The following ARSK variants were observed in gnomAD, a reference collection of about 807,000 sequenced individuals.
ARSK encodes arylsulfatase K.
In ARSK, 37 loss-of-function variants were observed where a neutral mutation model predicts 53.2. That is an observed-to-expected ratio of 0.70 (90% CI 0.54 to 0.92). The LOEUF is 0.92. Ranked by LOEUF, ARSK falls within the 40% of genes least tolerant of loss-of-function variation. The pLI, the probability that ARSK is intolerant of heterozygous loss-of-function variation, is 0.00. For synonymous variants in ARSK, 208 were observed against 223.2 expected, an observed-to-expected ratio of 0.93 and a Z score of 0.61; for missense variants, 613 against 643.0, an observed-to-expected ratio of 0.95 and a Z score of 0.51.
chr5:95,596,605 T>A (rs184624312), intron 6 of ARSK, among the ~76,000 whole-genome samples: 37 of 152,150 alleles, frequency 2.4e-4, no homozygotes, highest in Admixed American at 5.2e-4. Context: ...TATCAAAAAA[T>A]ATATATATAT....
intron 4 of ARSK, 70 bp from the exon 5 acceptor site, chr5:95,586,492 T>C: frequency 1.7e-6 from 2 of 1,193,764 alleles, no homozygotes; most frequent in Non-Finnish European, 2.4e-6. Context: ...GATTTCATCA[T>C]ACATACTTAT....
chr5:95,584,764 A>G (rs1301981101), intron 4 of ARSK, among the ~76,000 whole-genome samples: 1 of 152,196 alleles, frequency 6.6e-6, no homozygotes, highest in Non-Finnish European at 1.5e-5. Flanking sequence ...TAATCCCAGC[A>G]CTTTGGAAAG....
chr5:95,595,128 A>G (rs935839351), intron 6 of ARSK, among the ~76,000 whole-genome samples: 1 of 152,234 alleles, frequency 6.6e-6, no homozygotes, highest in Non-Finnish European at 1.5e-5. Flanking sequence ...CAAAACCACA[A>G]TGAGATAGCA....
chr5:95,557,155 C>T (rs999291225), intron 1 of ARSK: 3 of 152,064 alleles, frequency 2.0e-5, no homozygotes, highest in Non-Finnish European at 4.4e-5. Flanking sequence ...CCTTTTGACC[C>T]ATCCCCATTA....
intron 5 of ARSK, among the ~76,000 whole-genome samples, chr5:95,588,319 C>G (rs889942920): frequency 6.6e-6 from 1 of 151,252 alleles, no homozygotes; most frequent in Non-Finnish European, 1.5e-5. Flanking sequence ...TTACTGTAAC[C>G]TCTGCCTCTT....
chr5:95,575,842 A>G (rs1356249702), intron 3 of ARSK, among the ~76,000 whole-genome samples: 1 of 152,190 alleles, frequency 6.6e-6, no homozygotes, highest in African/African-American at 2.4e-5. Flanking sequence ...AACAAGAATA[A>G]TTTGACTCCT....
At position 95,566,133 on chromosome 5, in the gene ARSK, A is replaced by C; in HGVS notation, c.256+6A>C. 6.2e-7 allele frequency: 1 copy of C among 1,612,706 alleles called. No homozygotes were observed. The highest frequency in any genetic ancestry group is 8.5e-7 in the Non-Finnish European group (1 of 1,179,610). ...TTGTTGCCCATCACGCGCAGGTATG[A>C]ACATCCTTAATATGAATGGGAGAAA... On this transcript the variant is annotated splice_donor_region_variant and intron_variant, in intron 2 of 7. Transcript: ENST00000380009.
chr5:95,591,378 G>A (rs779739077), intron 5 of ARSK, 23 bp from the exon 6 acceptor site: 1 of 1,570,680 alleles, frequency 6.4e-7, no homozygotes, highest in Non-Finnish European at 8.8e-7. Context: ...GTTTTAATCG[G>A]TTTATCATGA....
intron 3 of ARSK, among the ~76,000 whole-genome samples, chr5:95,570,505 A>G (rs927429519): frequency 4.6e-5 from 7 of 152,172 alleles, no homozygotes; most frequent in Non-Finnish European, 5.9e-5. Flanking sequence ...AACCTTGGGC[A>G]AGTTACTTGA....
intron 2 of ARSK, 135 bp downstream of exon 2, chr5:95,566,262 AT>A: frequency 9.1e-7 from 1 of 1,095,052 alleles, no homozygotes; most frequent in Non-Finnish European, 1.3e-6. Context: ...AAAGATGTGC[AT>A]TTTAAGGTAT....
intron 5 of ARSK, among the ~76,000 whole-genome samples, chr5:95,588,093 A>G (rs776138617): frequency 1.3e-5 from 2 of 152,302 alleles, no homozygotes; most frequent in South Asian, 2.1e-4. Flanking sequence ...GTTTATAGCC[A>G]TTCATTCATC....
intron 6 of ARSK, among the ~76,000 whole-genome samples, chr5:95,592,708 C>T (rs925424804): frequency 6.6e-6 from 1 of 152,124 alleles, no homozygotes; most frequent in Non-Finnish European, 1.5e-5. Context: ...GCCACCATGT[C>T]CAGCTAATTT....
intron 4 of ARSK, among the ~76,000 whole-genome samples, chr5:95,584,305 C>T (rs1749071584): frequency 6.6e-6 from 1 of 152,156 alleles, no homozygotes; most frequent in Non-Finnish European, 1.5e-5. Flanking sequence ...CTGTTGTATA[C>T]CCAGTGATTT....
At chr5:95,563,851 A>G (rs1035499473) in intron 1 of ARSK, among the ~76,000 whole-genome samples, 3 of 152,084 alleles carry the variant, frequency 2.0e-5, no homozygotes, top group Admixed American at 1.3e-4. Flanking sequence ...ACAAATTGTT[A>G]TCTCCCCATG....
chr5:95,603,580 C>G lies in ARSK; in HGVS notation c.*54C>G, dbSNP rs118036195. On this transcript the variant is annotated 3_prime_UTR_variant, in exon 8 of 8. Coordinates refer to ENST00000380009, the MANE Select transcript of ARSK (RefSeq NM_198150.3). ...GATACATATAAATATATTACAAGAT[C>G]ATAATTATGTATTTTAAATGAAACA... is the stretch of plus-strand genomic sequence containing the variant. 495 of 1,384,314 alleles carry G rather than the reference C, an allele frequency of 3.6e-4. 4 individuals carry two copies. In the East Asian group the frequency reaches 0.011, roughly 31 times the overall value. 85.8% of individuals were successfully genotyped at this position (1,384,314 alleles called of 1,614,324 possible). A position where few individuals can be genotyped will look rare whatever the true frequency, so the allele number is the denominator to read the frequency against.
Position 95,582,987 on chromosome 5 carries a change from T to C in ARSK, c.488T>C (p.Leu163Pro). 1 of 1,613,846 alleles carries C rather than the reference T, an allele frequency of 6.2e-7. No individual in the cohort carries two copies. The highest frequency in any genetic ancestry group is 8.5e-7 in the Non-Finnish European group (1 of 1,179,780). Residue 163 changes from leucine (L) to proline (P), a missense_variant, in exon 4 of 8, where the codon CTT becomes CCT. Transcript: ENST00000380009. ...LRQEGRPMVNLIRNRTKVRVM... is the reference protein window; with the variant it reads ...LRQEGRPMVNPIRNRTKVRVM... ...CAAGAAGGCAGGCCCATGGTTAATC[T>C]TATCCGTAACAGGACTAAAGTCAGA...
At chr5:95,568,374 A>G (rs979025326) in intron 3 of ARSK, among the ~76,000 whole-genome samples, 2 of 152,140 alleles carry the variant, frequency 1.3e-5, no homozygotes, top group East Asian at 1.9e-4. Flanking sequence ...TTTTAAAACC[A>G]TAGCCTTCTT....
intron 1 of ARSK, among the ~76,000 whole-genome samples, chr5:95,564,603 A>G (rs1748696665): frequency 1.3e-5 from 2 of 152,060 alleles, no homozygotes; most frequent in African/African-American, 2.4e-5. Flanking sequence ...TTTACCACGC[A>G]TCGAAAGTGC....
At chr5:95,588,297 C>T (rs1266711523) in intron 5 of ARSK, among the ~76,000 whole-genome samples, 8 of 148,522 alleles carry the variant, frequency 5.4e-5, no homozygotes, top group African/African-American at 1.2e-4. Context: ...AGTGCAGTGG[C>T]GGGGTCTCTG....
Sources: gnomAD v4.1 joint callset for allele counts (sites outside exome capture counted in the v4.1 genomes callset) on GRCh38, gnomAD v4.1.1 for gene constraint, MANE v1.5 for transcripts, NCBI Gene and HGNC (gene_info 2026-07-23, HGNC 2026-07-21) for gene names.